ELF1: variants seen among roughly 807,000 people sequenced by gnomAD.
ELF1 encodes ETS-related transcription factor Elf-1.
ELF1 carries 24 observed loss-of-function variants against 59.9 expected under a neutral mutation model. The ratio of observed to expected loss-of-function variants is 0.40; its 90% CI spans 0.29 to 0.56. ELF1 has a LOEUF of 0.56. ELF1 is among the 20% of genes least tolerant of loss of function. The probability of loss-of-function intolerance (pLI) is 0.44; values close to 1 mark genes in which losing one functional copy is unlikely to be tolerated. For synonymous variants in ELF1, 248 were observed against 266.2 expected, an observed-to-expected ratio of 0.93 and a Z score of 0.67; for missense variants, 627 against 742.2, an observed-to-expected ratio of 0.84 and a Z score of 1.80.
At chr13:41,048,862 T>C (rs1482067100) in intron 1 of ELF1, among the ~76,000 whole-genome samples, 1 of 152,102 alleles carries the variant, frequency 6.6e-6, no homozygotes, top group Non-Finnish European at 1.5e-5. Flanking sequence ...GATGTGTATA[T>C]ACTGTCCTCA....
rs538135704 is a variant in ELF1, at chr13:40,948,363, G to A, written c.529+1443C>T. Among the ~76,000 whole-genome samples the A allele has an allele frequency of 2.0e-5, 3 of 152,270 alleles. No individual in the cohort carries two copies. The East Asian group carries it at 5.8e-4, about 29-fold the overall frequency. ...CCCCAAGAGGGTATATCCCTTCAAGGGTCCCAGTTACATGCTGAGGTCTCT... is the reference window on the plus strand; with the variant it reads ...CCCCAAGAGGGTATATCCCTTCAAGAGTCCCAGTTACATGCTGAGGTCTCT... On this transcript the variant is annotated intron_variant, in intron 5 of 8. Coordinates refer to ENST00000239882, the MANE Select transcript of ELF1 (RefSeq NM_172373.4).
intron 1 of ELF1, among the ~76,000 whole-genome samples, chr13:41,006,495 C>CTAG (rs1343383296): frequency 6.6e-6 from 1 of 152,124 alleles, no homozygotes; most frequent in Non-Finnish European, 1.5e-5. Context: ...TGCAGAGAAC[C>CTAG]TAGTGTCCAT....
chr13:40,941,652 C>A (rs912763459), intron 7 of ELF1, among the ~76,000 whole-genome samples: 4 of 152,070 alleles, frequency 2.6e-5, no homozygotes, highest in Admixed American at 2.6e-4. Context: ...CCTCTTTCTG[C>A]TAACTTATTT....
intron 1 of ELF1, among the ~76,000 whole-genome samples, chr13:41,043,325 A>T (rs1394494372): frequency 2.6e-5 from 4 of 152,004 alleles, no homozygotes; most frequent in Admixed American, 1.3e-4. Flanking sequence ...CCCATTTGTC[A>T]ATTTTGGCTT....
Position 40,944,483 on chromosome 13 carries a change from ATCC to A in ELF1, c.530-561_530-559del, listed in dbSNP as rs1212739272. Among the ~76,000 whole-genome samples the A allele has an allele frequency of 2.6e-5, 4 of 152,342 alleles. No individual in the cohort carries two copies. The South Asian group carries it at 6.2e-4, about 24-fold the overall frequency. On this transcript the variant is annotated intron_variant, in intron 5 of 8. Coordinates refer to ENST00000239882, the MANE Select transcript of ELF1 (RefSeq NM_172373.4). ...TTGGTGAACCACATAGTTAAATGCTATCCTCCTGTGTATTTCTAAAAACATCTC... is the reference window on the plus strand; with the variant it reads ...TTGGTGAACCACATAGTTAAATGCTATCCTGTGTATTTCTAAAAACATCTC...
At chr13:40,980,871 A>G (rs946281037) in intron 2 of ELF1, among the ~76,000 whole-genome samples, 4 of 152,186 alleles carry the variant, frequency 2.6e-5, no homozygotes, top group African/African-American at 9.6e-5. Context: ...AATCAAGACT[A>G]AGCAATTCTC....
At chr13:40,981,891 C>T (rs1873292819) in intron 2 of ELF1, 92 bp downstream of exon 2, 2 of 1,388,228 alleles carry the variant, frequency 1.4e-6, no homozygotes, top group Non-Finnish European at 9.6e-7. Flanking sequence ...AATAAAGTTT[C>T]TCTCATTGTC....
chr13:40,953,191 G>C (rs1280582337), intron 3 of ELF1, among the ~76,000 whole-genome samples: 1 of 151,994 alleles, frequency 6.6e-6, no homozygotes, highest in African/African-American at 2.4e-5. Flanking sequence ...GGTCAGGCTG[G>C]TCTTGAACTC....
At chr13:41,003,222 CAACAAAGAGCACA>C (rs994494266) in intron 1 of ELF1, among the ~76,000 whole-genome samples, 2 of 152,092 alleles carry the variant, frequency 1.3e-5, no homozygotes, top group African/African-American at 4.8e-5. Context: ...CAACACCCCC[CAACAAAGAGCACA>C]AAAAAGGGAG....
chr13:40,989,329 T>A (rs1363820756), intron 1 of ELF1, among the ~76,000 whole-genome samples: 4 of 152,138 alleles, frequency 2.6e-5, no homozygotes, highest in Non-Finnish European at 5.9e-5. Context: ...GGCAAACAAA[T>A]CATTTCATTG....
chr13:40,994,788 A>C (rs530081539), intron 1 of ELF1, among the ~76,000 whole-genome samples: 6 of 152,356 alleles, frequency 3.9e-5, no homozygotes, highest in African/African-American at 1.4e-4. Flanking sequence ...TCTCTCCAAC[A>C]AACAAGATTT....
intron 1 of ELF1, among the ~76,000 whole-genome samples, chr13:41,040,175 T>C (rs1220580681): frequency 6.6e-6 from 1 of 152,188 alleles, no homozygotes; most frequent in East Asian, 1.9e-4. Flanking sequence ...ACAAAATAAA[T>C]ACACGTGCAA....
chr13:40,991,042 T>C (rs1222478040), intron 1 of ELF1, among the ~76,000 whole-genome samples: 2 of 152,168 alleles, frequency 1.3e-5, no homozygotes, highest in Non-Finnish European at 2.9e-5. Flanking sequence ...TTTACCTTTG[T>C]GTTCTTCCAA....
intron 2 of ELF1, among the ~76,000 whole-genome samples, chr13:40,977,650 C>T (rs1872995334): frequency 6.6e-6 from 1 of 152,110 alleles, no homozygotes; most frequent in African/African-American, 2.4e-5. Flanking sequence ...AAACAGAATA[C>T]ATTATTTTAA....
At position 40,952,688 on chromosome 13, in the gene ELF1, A is replaced by G. The variant is rs188627582; in HGVS notation, c.254-1252T>C. Among the ~76,000 whole-genome samples the G allele has an allele frequency of 5.9e-3, 891 of 152,182 alleles. 22 individuals carry two copies. The highest frequency in any genetic ancestry group is 3.7e-3 in the East Asian group (19 of 5,156). On this transcript the variant is annotated intron_variant, in intron 3 of 8. Transcript: ENST00000239882. ...TGGGATTACAGGTGTGAGCCGCTGC[A>G]TCTGTTCAAATATTTTTATTATGAA...
At chr13:40,940,780 T>C in intron 8 of ELF1, 141 bp downstream of exon 8, 1 of 940,200 alleles carries the variant, frequency 1.1e-6, no homozygotes, top group Non-Finnish European at 1.5e-6. Context: ...TAACTGCTCC[T>C]GAAAAATCTG....
intron 5 of ELF1, among the ~76,000 whole-genome samples, chr13:40,946,021 T>C (rs1256034492): frequency 2.0e-5 from 3 of 152,170 alleles, no homozygotes; most frequent in Admixed American, 6.5e-5. Context: ...TTTTTTTCCA[T>C]ATTTTTAGCA....
intron 1 of ELF1, among the ~76,000 whole-genome samples, chr13:40,983,583 C>T (rs1873399631): frequency 6.6e-6 from 1 of 152,048 alleles, no homozygotes; most frequent in Non-Finnish European, 1.5e-5. Flanking sequence ...AGCAAATTTC[C>T]CACTCTCATC....
At chr13:41,060,877 C>G in exon 1 of ELF1, 1 of 344,972 alleles carries the variant, frequency 2.9e-6, no homozygotes, top group Admixed American at 4.0e-5. Context: ...CGCCGCACCT[C>G]TCGCCACCGC....
Sources: allele counts gnomAD v4.1 joint callset (sites outside exome capture counted in the v4.1 genomes callset), GRCh38; gene constraint gnomAD v4.1.1; transcripts MANE v1.5; gene names NCBI Gene and HGNC (gene_info 2026-07-23, HGNC 2026-07-21).